The following POMT2 variants were observed in gnomAD, a reference collection of about 807,000 sequenced individuals.
POMT2 encodes protein O-mannosyltransferase 2, also known as protein O-mannosyl-transferase 2.
A neutral mutation model predicts 100.0 loss-of-function variants in POMT2; 75 were observed. The ratio of observed to expected loss-of-function variants is 0.75; its 90% CI spans 0.62 to 0.91. POMT2 has a LOEUF of 0.91. Ranked by LOEUF, POMT2 falls within the 40% of genes least tolerant of loss-of-function variation. The pLI is 0.00. For synonymous variants in POMT2, 378 were observed against 374.1 expected, an observed-to-expected ratio of 1.01 and a Z score of -0.12; for missense variants, 940 against 955.1, an observed-to-expected ratio of 0.98 and a Z score of 0.21.
chr14:77,311,481 C>G (rs1449655209), intron 2 of POMT2, among the ~76,000 whole-genome samples: 1 of 152,220 alleles, frequency 6.6e-6, no homozygotes, highest in Non-Finnish European at 1.5e-5. Context: ...CACCCATTTG[C>G]AGTCACTGCC....
At chr14:77,287,031 A>G in intron 11 of POMT2, 2 of 1,022,146 alleles carry the variant, frequency 2.0e-6, no homozygotes, top group Non-Finnish European at 1.4e-6. Context: ...ACCAGGAGAG[A>G]CAGATGGTAG....
chr14:77,311,185 C>T (rs984032111), intron 2 of POMT2, among the ~76,000 whole-genome samples: 3 of 152,168 alleles, frequency 2.0e-5, no homozygotes, highest in Admixed American at 6.5e-5. Flanking sequence ...GGTTGAATTT[C>T]TAATGGTAAA....
At chr14:77,313,318 C>A (rs1022640690) in intron 1 of POMT2, among the ~76,000 whole-genome samples, 4 of 152,216 alleles carry the variant, frequency 2.6e-5, no homozygotes, top group Admixed American at 2.6e-4. Context: ...CTGCTAAACA[C>A]CTTGACAGGC....
Position 77,276,581 on chromosome 14 carries a change from G to A in POMT2, c.*795C>T, listed in dbSNP as rs1226531539. 3 of 152,350 alleles carry A rather than the reference G, an allele frequency of 2.0e-5. No individual in the cohort carries two copies. Among genetic ancestry groups the A allele is most frequent in the African/African-American group, 7.2e-5 (3 of 41,466 alleles). 9.4% of individuals were successfully genotyped at this position (152,350 alleles called of 1,614,324 possible). A position where few individuals can be genotyped will look rare whatever the true frequency, so the allele number is the denominator to read the frequency against. On this transcript the variant is annotated 3_prime_UTR_variant, in exon 21 of 21. Transcript: ENST00000261534. ...CTGGCCTCTGGCACACAGGGCCTGG[G>A]AACACTGAGCAGCCCAGGATAGGAC...
At chr14:77,290,431 C>T (rs920909240) in intron 10 of POMT2, among the ~76,000 whole-genome samples, 9 of 152,192 alleles carry the variant, frequency 5.9e-5, no homozygotes, top group Admixed American at 3.9e-4. Context: ...ACGTTTCTAG[C>T]CTACACAGCA....
intron 8 of POMT2, among the ~76,000 whole-genome samples, chr14:77,297,542 C>A (rs1295546725): frequency 6.6e-6 from 1 of 152,200 alleles, no homozygotes; most frequent in African/African-American, 2.4e-5. Context: ...AGTATCTGCC[C>A]TTCCAACCCA....
rs76700503 is a variant in POMT2, at chr14:77,278,455, G to T, written c.2086C>A (p.Pro696Thr). The change falls in exon 20 of 21, where the codon CCC becomes ACC. Residue 696 changes from proline (P) to threonine (T), a missense_variant. Transcript: ENST00000261534. ...GCCACATGTATGCCCCTCGCCAGGG[G>T]CCATGAGGCCAAGCCCCAGGCACAG... ...RLCAWGLASWPLARGIHVAGI... is the reference protein window; with the variant it reads ...RLCAWGLASWTLARGIHVAGI... 99 of 1,505,880 alleles carry T rather than the reference G, an allele frequency of 6.6e-5. No homozygotes were observed. In the African/African-American group the frequency reaches 1.3e-3, roughly 20 times the overall value. The allele number at this position is 1,505,880 out of a possible 1,614,324, so 93.3% of individuals were successfully genotyped here.
intron 9 of POMT2, among the ~76,000 whole-genome samples, chr14:77,294,313 T>G (rs12431465): frequency 0.51 from 78,210 of 151,964 alleles, 20,459 homozygotes; most frequent in Non-Finnish European, 0.56. Context: ...TCTCACAAGA[T>G]CTGATGGTTT....
Position 77,276,239 on chromosome 14 carries a change from C to T in POMT2, c.*1137G>A, listed in dbSNP as rs7158951. ...CTTGTTTGAGCTGCAGAGTGGTAGA[C>T]GCAGGAAGCTGGCATGCATTTCTAG... is the stretch of plus-strand genomic sequence containing the variant. On this transcript the variant is annotated 3_prime_UTR_variant, in exon 21 of 21. Coordinates refer to ENST00000261534, the MANE Select transcript of POMT2 (RefSeq NM_013382.7). 0.56 allele frequency: 84,847 copies of T among 152,348 alleles called. 24,084 individuals carry two copies. The highest frequency in any genetic ancestry group is 0.6 in the African/African-American group (24,980 of 41,412). 9.4% of individuals were successfully genotyped at this position (152,348 alleles called of 1,614,324 possible).
chr14:77,285,459 C>G (rs763281415), intron 13 of POMT2, 22 bp downstream of exon 13: 2 of 1,614,066 alleles, frequency 1.2e-6, no homozygotes, highest in East Asian at 2.2e-5. Flanking sequence ...TCGATTGGGA[C>G]AGCAAAACCC....
chr14:77,310,311 C>T (rs775419327), intron 2 of POMT2, among the ~76,000 whole-genome samples: 5 of 152,184 alleles, frequency 3.3e-5, no homozygotes, highest in African/African-American at 4.8e-5. Context: ...TTCCCTATGA[C>T]GAACTACTTA....
chr14:77,320,332 C>T (rs1053434486), intron 1 of POMT2, 102 bp downstream of exon 1: 9 of 1,531,228 alleles, frequency 5.9e-6, no homozygotes, highest in African/African-American at 1.4e-5. Flanking sequence ...CACCGTGGCC[C>T]TCCTCCTATA....
In POMT2 at chr14:77,275,526, G is replaced by A. The variant is rs1450132080; in HGVS notation, c.*1850C>T. ...CACTGTGGGCCACCTGCTTTGCTAA[G>A]AGCCAAGCACAGACCCCTGCATTCT... On this transcript the variant is annotated 3_prime_UTR_variant, in exon 21 of 21. Coordinates refer to ENST00000261534, the MANE Select transcript of POMT2 (RefSeq NM_013382.7). 2 of 152,214 alleles carry A rather than the reference G, an allele frequency of 1.3e-5. No homozygotes were observed. The highest frequency in any genetic ancestry group is 4.8e-5 in the African/African-American group (2 of 41,432). The allele number at this position is 152,214 out of a possible 1,614,324, so 9.4% of individuals were successfully genotyped here.
At chr14:77,286,960 G>C in intron 11 of POMT2, 138 bp from the exon 12 acceptor site, 1 of 1,504,326 alleles carries the variant, frequency 6.6e-7, no homozygotes, top group Non-Finnish European at 9.0e-7. Flanking sequence ...AACATATCAG[G>C]AACTGGTTTC....
Position 77,285,034 on chromosome 14 carries a change from C to T in POMT2, c.1492G>A (p.Glu498Lys). The T allele has an allele frequency of 1.2e-6, 2 of 1,611,152 alleles. No individual in the cohort carries two copies. Among genetic ancestry groups the T allele is most frequent in the Non-Finnish European group, 1.7e-6 (2 of 1,177,314 alleles). ...GGGGTGCAAGTAACTTCCAACTGCTCCCAGCCCCTGTGAAAAGCAGAAGTC... is the reference window on the plus strand; with the variant it reads ...GGGGTGCAAGTAACTTCCAACTGCTTCCAGCCCCTGTGAAAAGCAGAAGTC... Reference protein sequence around the residue: ...SGKVLPKWGWEQLEVTCTPYL... With the variant: ...SGKVLPKWGWKQLEVTCTPYL... Residue 498 changes from glutamate to lysine, a missense_variant, in exon 14 of 21, where the codon GAG becomes AAG. By Grantham distance (56) the Glu-to-Lys change is moderately conservative. Coordinates refer to ENST00000261534, the MANE Select transcript of POMT2 (RefSeq NM_013382.7).
intron 20 of POMT2, 71 bp downstream of exon 20, chr14:77,278,323 C>A: frequency 8.0e-7 from 1 of 1,250,306 alleles, no homozygotes; most frequent in Non-Finnish European, 1.1e-6. Context: ...GCAGGGGATT[C>A]TCGAATGCAT....
chr14:77,312,216 T>A (rs780300354), intron 1 of POMT2, 183 bp from the exon 2 acceptor site: 20 of 1,000,480 alleles, frequency 2.0e-5, no homozygotes, highest in Non-Finnish European at 2.4e-5. Context: ...AGCTGGCCAC[T>A]GGTCTTCATT....
intron 1 of POMT2, chr14:77,312,651 CAAAAAA>C (rs55971596): frequency 6.9e-6 from 1 of 144,318 alleles, no homozygotes; most frequent in Non-Finnish European, 1.5e-5. Flanking sequence ...GACTCCGTCT[CAAAAAA>C]AAAAAAAGTT....
Position 77,275,083 on chromosome 14 carries a change from C to T in POMT2, c.*2293G>A, listed in dbSNP as rs969254638. ...GCTGACGAACATCTTCTTCCTCCAC[C>T]AGCAGTTTGTGGGACACATCACGTT... On this transcript the variant is annotated 3_prime_UTR_variant, in exon 21 of 21. Coordinates refer to ENST00000261534, the MANE Select transcript of POMT2 (RefSeq NM_013382.7). 2.0e-5 allele frequency: 3 copies of T among 152,138 alleles called. No homozygotes were observed. The highest frequency in any genetic ancestry group is 4.4e-5 in the Non-Finnish European group (3 of 68,032). The allele number at this position is 152,138 out of a possible 1,614,324, so 9.4% of individuals were successfully genotyped here. A position where few individuals can be genotyped will look rare whatever the true frequency, so the allele number is the denominator to read the frequency against.
Sources: gnomAD v4.1 joint callset for allele counts (sites outside exome capture counted in the v4.1 genomes callset) on GRCh38, gnomAD v4.1.1 for gene constraint, MANE v1.5 for transcripts, NCBI Gene and HGNC (gene_info 2026-07-23, HGNC 2026-07-21) for gene names.